Variants in INSR observed in about 807,000 individuals in gnomAD.
INSR encodes IR.
Under a neutral mutation model 142.6 loss-of-function variants are expected in INSR, and 67 were observed. The observed-to-expected ratio is 0.47, with a 90% CI of 0.39 to 0.58. The LOEUF (loss-of-function observed/expected upper bound fraction) is 0.58, where lower values mean the gene tolerates loss of function less well. INSR is among the 20% of genes least tolerant of loss of function. The probability of loss-of-function intolerance (pLI) is 0.00; values close to 1 mark genes in which losing one functional copy is unlikely to be tolerated. For synonymous variants in INSR, 756 were observed against 743.1 expected, an observed-to-expected ratio of 1.02 and a Z score of -0.28; for missense variants, 1,248 against 1,833.2, an observed-to-expected ratio of 0.68 and a Z score of 5.83.
intron 8 of INSR, among the ~76,000 whole-genome samples, chr19:7,163,629 A>G (rs1381711208): frequency 6.6e-6 from 1 of 151,782 alleles, no homozygotes; most frequent in Non-Finnish European, 1.5e-5. Flanking sequence ...AAAAAACCCA[A>G]AGTAACGGAG....
At chr19:7,193,383 G>C (rs112856685) in intron 2 of INSR, among the ~76,000 whole-genome samples, 5 of 151,740 alleles carry the variant, frequency 3.3e-5, no homozygotes, top group Admixed American at 6.6e-5. Flanking sequence ...ATGGTGTCGC[G>C]CACCTGTAGT....
At chr19:7,118,388 G>A (rs1016705849) in intron 21 of INSR, among the ~76,000 whole-genome samples, 1 of 151,944 alleles carries the variant, frequency 6.6e-6, no homozygotes, top group Non-Finnish European at 1.5e-5. Context: ...TGCAGTCTCT[G>A]CTCACTGCAA....
chr19:7,200,656 T>C (rs1011648343), intron 2 of INSR, among the ~76,000 whole-genome samples: 3 of 151,078 alleles, frequency 2.0e-5, no homozygotes, highest in Non-Finnish European at 3.0e-5. Flanking sequence ...CTGGGCAACA[T>C]AGCAAGACCT....
intron 17 of INSR, among the ~76,000 whole-genome samples, chr19:7,124,184 A>G (rs1341065954): frequency 6.6e-6 from 1 of 151,750 alleles, no homozygotes; most frequent in Non-Finnish European, 1.5e-5. Context: ...CAGCATGGTG[A>G]AACCCCGTCT....
rs1972324657 is a variant in INSR, at chr19:7,116,405, T to C, written c.*651A>G. ...TTGCACACACATCAGCCGTGTCTAA[T>C]GGACACACACACGTGCATACACACG... On this transcript the variant is annotated 3_prime_UTR_variant, in exon 22 of 22. Transcript: ENST00000302850. 1 of 152,340 alleles carries C rather than the reference T, an allele frequency of 6.6e-6. No homozygotes were observed. Among genetic ancestry groups the C allele is most frequent in the African/African-American group, 2.4e-5 (1 of 41,344 alleles). The allele number at this position is 152,340 out of a possible 1,614,324, so 9.4% of individuals were successfully genotyped here.
intron 2 of INSR, among the ~76,000 whole-genome samples, chr19:7,226,630 A>G (rs1423173940): frequency 6.7e-6 from 1 of 150,312 alleles, no homozygotes; most frequent in Non-Finnish European, 1.5e-5. Flanking sequence ...CGGGAAGCTG[A>G]AGTGGGAGGA....
At chr19:7,184,697 A>T in intron 2 of INSR, 60 bp from the exon 3 acceptor site, 1 of 1,178,126 alleles carries the variant, frequency 8.5e-7, no homozygotes, top group Non-Finnish European at 1.1e-6. Context: ...TAAATAAATA[A>T]ATAAATAAAT....
chr19:7,207,947 AGGG>A (rs1975158775), intron 2 of INSR, among the ~76,000 whole-genome samples: 1 of 63,918 alleles, frequency 1.6e-5, no homozygotes, highest in Admixed American at 2.1e-4. Context: ...GAAGGGAAGG[AGGG>A]AGGGAGGGAG....
intron 9 of INSR, among the ~76,000 whole-genome samples, chr19:7,160,440 C>T (rs1192620861): frequency 6.6e-6 from 1 of 151,736 alleles, no homozygotes; most frequent in Non-Finnish European, 1.5e-5. Context: ...AGCCACTGTG[C>T]CCGGCCTAAA....
At chr19:7,151,723 T>G (rs1973368378) in intron 10 of INSR, among the ~76,000 whole-genome samples, 1 of 151,850 alleles carries the variant, frequency 6.6e-6, no homozygotes, top group Non-Finnish European at 1.5e-5. Context: ...AAAAGAGGAT[T>G]CTTACACACT....
At chr19:7,201,487 T>C (rs12608565) in intron 2 of INSR, among the ~76,000 whole-genome samples, 113,717 of 149,818 alleles carry the variant, frequency 0.76, 43,340 homozygotes, top group African/African-American at 0.81. Context: ...TAGCTGGGTG[T>C]GGTGGTGGGC....
chr19:7,189,299 C>A (rs949296848), intron 2 of INSR, among the ~76,000 whole-genome samples: 1 of 152,222 alleles, frequency 6.6e-6, no homozygotes, highest in Non-Finnish European at 1.5e-5. Context: ...TAAGTCCTTC[C>A]GGCCTAGACA....
intron 2 of INSR, among the ~76,000 whole-genome samples, chr19:7,189,489 G>A (rs1211505228): frequency 1.3e-5 from 2 of 152,130 alleles, no homozygotes; most frequent in African/African-American, 2.4e-5. Flanking sequence ...CAGGACATAT[G>A]GTGTTGGTTG....
chr19:7,152,393 A>AGG, intron 10 of INSR: 1 of 318,300 alleles, frequency 3.1e-6, no homozygotes, highest in Non-Finnish European at 5.8e-6. Flanking sequence ...AAAAAAAAAA[A>AGG]AGAGAGAGAG....
chr19:7,197,950 C>T (rs979904426), intron 2 of INSR, among the ~76,000 whole-genome samples: 4 of 108,726 alleles, frequency 3.7e-5, no homozygotes, highest in African/African-American at 9.2e-5. Context: ...TGTGTGTGTC[C>T]CCATGGTGGG....
intron 13 of INSR, among the ~76,000 whole-genome samples, 182 bp from the exon 14 acceptor site, chr19:7,132,499 A>G (rs1433028370): frequency 6.6e-6 from 1 of 152,208 alleles, no homozygotes; most frequent in Non-Finnish European, 1.5e-5. Context: ...AGTGCTATGG[A>G]TAAAGATATA....
intron 13 of INSR, among the ~76,000 whole-genome samples, chr19:7,141,217 G>A (rs1191803548): frequency 3.9e-5 from 6 of 151,996 alleles, no homozygotes; most frequent in Non-Finnish European, 7.4e-5. Flanking sequence ...CACCACGCCT[G>A]GCTAATTTTT....
At chr19:7,230,675 C>T (rs938371047) in intron 2 of INSR, among the ~76,000 whole-genome samples, 10 of 151,870 alleles carry the variant, frequency 6.6e-5, no homozygotes, top group South Asian at 2.1e-4. Context: ...GGTGTGGTGG[C>T]GGGCATCTGC....
intron 2 of INSR, among the ~76,000 whole-genome samples, chr19:7,232,764 C>G (rs918904340): frequency 2.0e-5 from 3 of 151,586 alleles, no homozygotes; most frequent in Non-Finnish European, 4.4e-5. Context: ...GAGCCGAGAT[C>G]CCGCCACTGC....
Sources: allele counts gnomAD v4.1 joint callset (sites outside exome capture counted in the v4.1 genomes callset), GRCh38; gene constraint gnomAD v4.1.1; transcripts MANE v1.5; gene names NCBI Gene and HGNC (gene_info 2026-07-23, HGNC 2026-07-21).